DENND2B: variants seen among roughly 807,000 people sequenced by gnomAD.
DENND2B encodes the protein DENN domain containing 2B, also known as DENN domain-containing protein 2B.
Under a neutral mutation model 116.0 loss-of-function variants are expected in DENND2B, and 32 were observed. That is an observed-to-expected ratio of 0.28 (90% CI 0.21 to 0.37). DENND2B has a LOEUF of 0.37. Among genes scored for constraint, DENND2B ranks in the 10% least tolerant of loss-of-function variants. The pLI, the probability that DENND2B is intolerant of heterozygous loss-of-function variation, is 1.00. For missense variants in DENND2B, 1,276 were observed against 1,477.7 expected (o/e 0.86, Z 2.24); for synonymous variants, 588 against 583.9 (o/e 1.01, Z -0.10).
chr11:8,820,733 A>C (rs1263200150), intron 4 of DENND2B, among the ~76,000 whole-genome samples: 1 of 152,200 alleles, frequency 6.6e-6, no homozygotes, highest in Non-Finnish European at 1.5e-5. Context: ...AACGAAGTAC[A>C]TAGAGCCCCA....
At chr11:8,722,063 G>A (rs1322131636) in intron 4 of DENND2B, among the ~76,000 whole-genome samples, 1 of 152,270 alleles carries the variant, frequency 6.6e-6, no homozygotes, top group Non-Finnish European at 1.5e-5. Context: ...AGGGGCAGAT[G>A]TGAGATGGGA....
At chr11:8,739,475 C>G (rs1395362755) in intron 2 of DENND2B, among the ~76,000 whole-genome samples, 2 of 152,244 alleles carry the variant, frequency 1.3e-5, no homozygotes, top group African/African-American at 2.4e-5. Context: ...TGTTTGAACA[C>G]TATAAATCAT....
At chr11:8,847,929 C>A (rs557900858) in intron 3 of DENND2B, among the ~76,000 whole-genome samples, 149 of 152,196 alleles carry the variant, frequency 9.8e-4, no homozygotes, top group African/African-American at 3.6e-3. Flanking sequence ...AACAAATGGC[C>A]TCAAATCTAT....
intron 1 of DENND2B, among the ~76,000 whole-genome samples, chr11:8,797,259 G>A (rs1207129691): frequency 6.6e-6 from 1 of 152,170 alleles, no homozygotes; most frequent in African/African-American, 2.4e-5. Flanking sequence ...GCTTAGAACA[G>A]AGTAAACATT....
At position 8,702,906 on chromosome 11, in the gene DENND2B, T is replaced by A; in HGVS notation, c.2572-186A>T. On this transcript the variant is annotated intron_variant, in intron 13 of 19. Transcript: ENST00000313726. This position sits in a 1 kb window ranked among gnomAD's most constrained non-coding sequence, Gnocchi z 4.6. ...GACTACAGCTCTGCTCTCGTAGCACTCGAACACCCAGCCTGTGGGCAAGAG... is the reference window on the plus strand; with the variant it reads ...GACTACAGCTCTGCTCTCGTAGCACACGAACACCCAGCCTGTGGGCAAGAG... 1 of 724,184 alleles carries A rather than the reference T, an allele frequency of 1.4e-6. No individual in the cohort carries two copies. The highest frequency in any genetic ancestry group is 2.2e-6 in the Non-Finnish European group (1 of 459,714). The allele number at this position is 724,184 out of a possible 1,614,324, so 44.9% of individuals were successfully genotyped here.
At chr11:8,821,250 G>T (rs1463855201) in intron 4 of DENND2B, among the ~76,000 whole-genome samples, 1 of 151,772 alleles carries the variant, frequency 6.6e-6, no homozygotes, top group Non-Finnish European at 1.5e-5. Flanking sequence ...AGGAAAACTT[G>T]CTTTTCACTG....
At chr11:8,900,061 T>C (rs533640126) in intron 1 of DENND2B, among the ~76,000 whole-genome samples, 2 of 152,152 alleles carry the variant, frequency 1.3e-5, no homozygotes, top group Admixed American at 6.5e-5. Context: ...GAGGCCGAGA[T>C]GGGTGGACTG....
At chr11:8,737,544 G>C (rs1184184896) in intron 2 of DENND2B, among the ~76,000 whole-genome samples, 1 of 152,096 alleles carries the variant, frequency 6.6e-6, no homozygotes, top group South Asian at 2.1e-4. Flanking sequence ...AGAAAAGGGA[G>C]GAGAAGCAGT....
intron 2 of DENND2B, among the ~76,000 whole-genome samples, chr11:8,870,100 C>A (rs1329783014): frequency 6.6e-6 from 1 of 152,180 alleles, no homozygotes; most frequent in Non-Finnish European, 1.5e-5. Context: ...ACCTCTTTGC[C>A]ATTCCCAAGA....
upstream of DENND2B, among the ~76,000 whole-genome samples, chr11:8,811,800 C>T (rs2061387479): frequency 2.6e-5 from 4 of 152,196 alleles, no homozygotes; most frequent in Admixed American, 6.5e-5. Flanking sequence ...TTGGTGCAAT[C>T]ATAGCTCACT....
intron 1 of DENND2B, chr11:8,774,191 T>C: frequency 1.5e-5 from 15 of 985,476 alleles, no homozygotes; most frequent in Non-Finnish European, 1.8e-5. Flanking sequence ...CGTTGGGTTC[T>C]TGACAACTGC....
At chr11:8,811,346 G>A (rs1050488165), upstream of DENND2B, 2 of 398,462 alleles carry the variant, frequency 5.0e-6, no homozygotes, top group Non-Finnish European at 8.8e-6. Context: ...CTGAAATGGA[G>A]AGCAAAGACA....
intron 3 of DENND2B, among the ~76,000 whole-genome samples, chr11:8,843,490 A>G (rs1204784143): frequency 1.3e-5 from 2 of 152,170 alleles, no homozygotes; most frequent in African/African-American, 4.8e-5. Context: ...GAATCTCTGC[A>G]TTTGTAAAAA....
upstream of DENND2B, among the ~76,000 whole-genome samples, chr11:8,814,030 G>A (rs1035321521): frequency 6.6e-6 from 1 of 152,140 alleles, no homozygotes; most frequent in Non-Finnish European, 1.5e-5. Context: ...TGAGAGGCCT[G>A]CAAGCATACA....
intron 1 of DENND2B, among the ~76,000 whole-genome samples, chr11:8,886,494 T>A (rs2063962296): frequency 6.6e-6 from 1 of 151,904 alleles, no homozygotes; most frequent in Non-Finnish European, 1.5e-5. Flanking sequence ...TTCCTGAAAT[T>A]GTGCCAAGGC....
At position 8,883,374 on chromosome 11, in the gene DENND2B, A is replaced by G. The variant is rs149453182; in HGVS notation, c.-255-2265T>C. On this transcript the variant is annotated intron_variant, in intron 1 of 22. Coordinates refer to the DENND2B transcript ENST00000534127. ...CTGAACTCTTAACTAGAGCACTGCTACTAAGGGCATTATGAAGCTGAATGA... is the reference window on the plus strand; with the variant it reads ...CTGAACTCTTAACTAGAGCACTGCTGCTAAGGGCATTATGAAGCTGAATGA... 2.5e-3 allele frequency among the ~76,000 whole-genome samples: 376 copies of G among 152,356 alleles called. 1 individual carries two copies. The highest frequency in any genetic ancestry group is 7.8e-3 in the African/African-American group (325 of 41,592).
intron 1 of DENND2B, among the ~76,000 whole-genome samples, chr11:8,792,948 T>C (rs1050417215): frequency 6.6e-6 from 1 of 152,196 alleles, no homozygotes; most frequent in Non-Finnish European, 1.5e-5. Flanking sequence ...AAAATACAAG[T>C]ACTAGGACAC....
At chr11:8,834,001 T>A (rs894166727) in intron 4 of DENND2B, among the ~76,000 whole-genome samples, 1 of 152,162 alleles carries the variant, frequency 6.6e-6, no homozygotes, top group African/African-American at 2.4e-5. Flanking sequence ...TGCATGCTGC[T>A]TTTTTCAGAG....
Position 8,767,050 on chromosome 11 carries a change from G to A in DENND2B, c.-25-16325C>T, listed in dbSNP as rs141231784. On this transcript the variant is annotated intron_variant, in intron 1 of 19. Coordinates refer to ENST00000313726, the MANE Select transcript of DENND2B (RefSeq NM_213618.2). ...ATGATCTCAGTCTGGCCAAGTCCAG[G>A]ACCTTCTCTTTCCCTCACCTATCGC... Among the ~76,000 whole-genome samples, 120 of 152,310 alleles carry A rather than the reference G, an allele frequency of 7.9e-4. 2 individuals carry two copies. In the East Asian group the frequency reaches 0.016, roughly 20 times the overall value.
Sources: gnomAD v4.1 joint callset for allele counts (sites outside exome capture counted in the v4.1 genomes callset) on GRCh38, gnomAD v4.1.1 for gene constraint, Gnocchi (gnomAD v3.1) non-coding constraint, MANE v1.5 for transcripts, NCBI Gene and HGNC (gene_info 2026-07-23, HGNC 2026-07-21) for gene names.